Variants in WTIP observed in about 807,000 individuals in gnomAD.
WTIP encodes WT1 interacting protein, also known as Wilms tumor protein 1-interacting protein.
Under a neutral mutation model 41.7 loss-of-function variants are expected in WTIP, and 23 were observed. The observed-to-expected ratio is 0.55, with a 90% CI of 0.40 to 0.78. The LOEUF (loss-of-function observed/expected upper bound fraction) is 0.78. Among genes scored for constraint, WTIP ranks in the 30% least tolerant of loss-of-function variants. The pLI is 0.00. For synonymous variants in WTIP, 314 were observed against 269.9 expected, an observed-to-expected ratio of 1.16 and a Z score of -1.60; for missense variants, 619 against 610.5, an observed-to-expected ratio of 1.01 and a Z score of -0.15.
In WTIP at chr19:34,511,009, C is replaced by A. The variant is rs1469068949; in HGVS notation, c.*10740C>A. 1 of 152,254 alleles carries A rather than the reference C, an allele frequency of 6.6e-6. No homozygotes were observed. The highest frequency in any genetic ancestry group is 1.5e-5 in the Non-Finnish European group (1 of 68,088). The allele number at this position is 152,254 out of a possible 1,614,324, so 9.4% of individuals were successfully genotyped here. On this transcript the variant is annotated 3_prime_UTR_variant, in exon 8 of 8. Coordinates refer to ENST00000590071, the MANE Select transcript of WTIP (RefSeq NM_001080436.2). ...CCACATTTTCCTATATTCTTCTGAG[C>A]CCTCCAAACTGTTCCAACCTCTGCC...
Position 34,507,525 on chromosome 19 carries a change from T to C in WTIP, c.*7256T>C, listed in dbSNP as rs1006279071. On this transcript the variant is annotated 3_prime_UTR_variant, in exon 8 of 8. Coordinates refer to ENST00000590071, the MANE Select transcript of WTIP (RefSeq NM_001080436.2). ...GGGTCTGCCCGGTCACATCCCCTTG[T>C]CTTCTCTAGGGTTCACGGGGATCCT... The C allele has an allele frequency of 9.9e-5, 15 of 152,110 alleles. No homozygotes were observed. The highest frequency in any genetic ancestry group is 3.4e-4 in the African/African-American group (14 of 41,412). 9.4% of individuals were successfully genotyped at this position (152,110 alleles called of 1,614,324 possible). A position where few individuals can be genotyped will look rare whatever the true frequency, so the allele number is the denominator to read the frequency against.
At chr19:34,494,985 G>C (rs1219647040) in intron 6 of WTIP, among the ~76,000 whole-genome samples, 3 of 152,220 alleles carry the variant, frequency 2.0e-5, no homozygotes, top group African/African-American at 4.8e-5. Flanking sequence ...GTCTGTGCGG[G>C]AGCCACCCAT....
chr19:34,489,135 G>T (rs1444282598), intron 1 of WTIP, among the ~76,000 whole-genome samples: 1 of 145,986 alleles, frequency 6.8e-6, no homozygotes, highest in African/African-American at 2.5e-5. Context: ...GGTGGTGGAG[G>T]TTGCAGTGAG....
At chr19:34,487,575 C>T (rs903406630) in intron 1 of WTIP, among the ~76,000 whole-genome samples, 10 of 152,070 alleles carry the variant, frequency 6.6e-5, no homozygotes, top group Non-Finnish European at 1.5e-4. Context: ...GTGGGCCACC[C>T]GATAGCAAGA....
intron 1 of WTIP, among the ~76,000 whole-genome samples, chr19:34,482,913 G>A (rs1247956251): frequency 6.6e-6 from 1 of 152,036 alleles, no homozygotes; most frequent in Non-Finnish European, 1.5e-5. Flanking sequence ...TTGATGTGCG[G>A]TTCCTAACTT....
chr19:34,486,650 G>A (rs1443022728), intron 1 of WTIP, among the ~76,000 whole-genome samples: 5 of 152,216 alleles, frequency 3.3e-5, no homozygotes, highest in Admixed American at 6.5e-5. Flanking sequence ...ACAGGCGTGA[G>A]CCACCGCGCC....
intron 7 of WTIP, 70 bp from the exon 8 acceptor site, chr19:34,500,059 C>G: frequency 6.4e-7 from 1 of 1,562,560 alleles, no homozygotes; most frequent in Non-Finnish European, 8.6e-7. Context: ...CTCCGTCCCT[C>G]CCCCGTCCCG....
intron 7 of WTIP, among the ~76,000 whole-genome samples, chr19:34,497,835 C>T (rs1481738795): frequency 6.6e-6 from 1 of 152,210 alleles, no homozygotes; most frequent in Non-Finnish European, 1.5e-5. Context: ...CCAGCCCTAA[C>T]AGGACCTCCG....
At chr19:34,484,760 A>AC (rs2075788976) in intron 1 of WTIP, among the ~76,000 whole-genome samples, 1 of 151,288 alleles carries the variant, frequency 6.6e-6, no homozygotes, top group Non-Finnish European at 1.5e-5. Flanking sequence ...GTGGTGGCAC[A>AC]TTTTTTTTCT....
intron 1 of WTIP, among the ~76,000 whole-genome samples, chr19:34,488,881 C>G (rs61060252): frequency 0.15 from 19,421 of 131,614 alleles, 1,876 homozygotes; most frequent in East Asian, 0.49. Context: ...CCAGCCTGGG[C>G]AACAGAGCGA....
Position 34,507,427 on chromosome 19 carries a change from CAAAAAAA to C in WTIP, c.*7171_*7177del, listed in dbSNP as rs34578586. The C allele has an allele frequency of 9.9e-5, 12 of 120,960 alleles. No homozygotes were observed. Among genetic ancestry groups the C allele is most frequent in the African/African-American group, 1.8e-4 (6 of 33,536 alleles). 7.5% of individuals were successfully genotyped at this position (120,960 alleles called of 1,614,324 possible). On this transcript the variant is annotated 3_prime_UTR_variant, in exon 8 of 8. Coordinates refer to ENST00000590071, the MANE Select transcript of WTIP (RefSeq NM_001080436.2). ...GATGCCCAAAAGAACAAACATAAAC[CAAAAAAA>C]AAAAAAAAAAAATTCCAGACTGTCC... is the stretch of plus-strand genomic sequence containing the variant.
chr19:34,506,761 A>AAAATAAATAAATAAAT lies in WTIP; in HGVS notation c.*6513_*6528dup, dbSNP rs71165663. On this transcript the variant is annotated 3_prime_UTR_variant, in exon 8 of 8. Coordinates refer to ENST00000590071, the MANE Select transcript of WTIP (RefSeq NM_001080436.2). ...GGTGACAGAGCTAGACGCTATCTCA[A>AAAATAAATAAATAAAT]AAATAAATAAATAAATAAATAAATA... 2.7e-5 allele frequency: 4 copies of AAAATAAATAAATAAAT among 149,900 alleles called. No individual in the cohort carries two copies. The highest frequency in any genetic ancestry group is 1.0e-4 in the African/African-American group (4 of 40,096). 9.3% of individuals were successfully genotyped at this position (149,900 alleles called of 1,614,324 possible).
chr19:34,502,421 ATTT>A lies in WTIP; in HGVS notation c.*2170_*2172del, dbSNP rs35198618. 9,370 of 119,036 alleles carry A rather than the reference ATTT, an allele frequency of 0.079. 1,040 individuals carry two copies. The highest frequency in any genetic ancestry group is 0.26 in the African/African-American group (8,735 of 33,190). The allele number at this position is 119,036 out of a possible 1,614,324, so 7.4% of individuals were successfully genotyped here. A position where few individuals can be genotyped will look rare whatever the true frequency, so the allele number is the denominator to read the frequency against. On this transcript the variant is annotated 3_prime_UTR_variant, in exon 8 of 8. Transcript: ENST00000590071. ...CAGGTGTGCCCCATGACGCCCAGCT[ATTT>A]TTTTTTTTTTTTTTTTTAAAGACAG...
chr19:34,493,596 C>T lies in WTIP; in HGVS notation c.1005C>T (p.Asn335=), dbSNP rs2075837670. 1 of 1,613,586 alleles carries T rather than the reference C, an allele frequency of 6.2e-7. No individual in the cohort carries two copies. The highest frequency in any genetic ancestry group is 1.1e-5 in the South Asian group (1 of 91,092). ...GVPFTVDVEN[N]IYCVRDYHTV... The stretch of plus-strand genomic sequence containing the variant: ...CCTTCACCGTGGACGTGGAGAACAA[C>T]ATCTACTGCGTGCGAGACTATCACA... The change falls in exon 5 of 8, where the codon AAC becomes AAT. Residue 335 remains asparagine (N), a synonymous_variant. Transcript: ENST00000590071. The surrounding 1 kb of genome is among the most constrained non-coding windows in gnomAD (Gnocchi z 4.1).
In WTIP at chr19:34,493,573, T is replaced by G. The variant is rs749475477; in HGVS notation, c.982T>G (p.Phe328Val). The change falls in exon 5 of 8, where the codon TTC (phenylalanine) becomes GTC (valine). Residue 328 changes from phenylalanine (F) to valine (V), a missense_variant. Phe to Val is a conservative substitution (Grantham distance 50). This residue lies in a region of WTIP where 164 missense variants were observed against 219.1 expected (regional missense o/e 0.75). Transcript: ENST00000590071. The surrounding 1 kb of genome is among the most constrained non-coding windows in gnomAD (Gnocchi z 4.1). Reference sequence around the variant, plus strand: ...CAATGAGTGCCTGGACGGGGTTCCCTTCACCGTGGACGTGGAGAACAACAT... The same window carrying G: ...CAATGAGTGCCTGGACGGGGTTCCCGTCACCGTGGACGTGGAGAACAACAT... ...VCNECLDGVP[F>V]TVDVENNIYC... 1 of 1,613,700 alleles carries G rather than the reference T, an allele frequency of 6.2e-7. No homozygotes were observed. The highest frequency in any genetic ancestry group is 8.5e-7 in the Non-Finnish European group (1 of 1,179,882).
chr19:34,482,225 A>C lies in WTIP; in HGVS notation c.251A>C (p.Gln84Pro), dbSNP rs912347710. Residue 84 changes from glutamine to proline, a missense_variant, in exon 1 of 8, where the codon CAG becomes CCG. Gln to Pro is a moderately conservative substitution (Grantham distance 76). Transcript: ENST00000590071. ...GCGGCGGTTCCGGAGCTCAGCGCGC[A>C]GCCTGCGGGCAGCCCACGGGCCAGC... Reference protein sequence around the residue: ...RRAAVPELSAQPAGSPRASLA... With the variant: ...RRAAVPELSAPPAGSPRASLA... The C allele has an allele frequency of 8.6e-7, 1 of 1,161,438 alleles. No homozygotes were observed. 71.9% of individuals were successfully genotyped at this position (1,161,438 alleles called of 1,614,324 possible). A position where few individuals can be genotyped will look rare whatever the true frequency, so the allele number is the denominator to read the frequency against.
At chr19:34,490,971 G>A (rs1212717981) in intron 2 of WTIP, among the ~76,000 whole-genome samples, 3 of 151,414 alleles carry the variant, frequency 2.0e-5, no homozygotes, top group East Asian at 1.9e-4. Flanking sequence ...ATAGGCACAC[G>A]TGCCACCACG....
At position 34,484,792 on chromosome 19, in the gene WTIP, C is replaced by T. The variant is rs765529291; in HGVS notation, c.667+2151C>T. Among the ~76,000 whole-genome samples, 106 of 151,786 alleles carry T rather than the reference C, an allele frequency of 7.0e-4. 1 individual carries two copies. The highest frequency in any genetic ancestry group is 2.3e-3 in the South Asian group (11 of 4,780). ...TTCTGAGGAGCTGCTAGGCCGGGTGCGGTGGCTCACACCTGTAATCCCAGC... is the reference window on the plus strand; with the variant it reads ...TTCTGAGGAGCTGCTAGGCCGGGTGTGGTGGCTCACACCTGTAATCCCAGC... On this transcript the variant is annotated intron_variant, in intron 1 of 7. Transcript: ENST00000590071.
At chr19:34,486,491 C>T (rs1013221215) in intron 1 of WTIP, among the ~76,000 whole-genome samples, 9 of 151,808 alleles carry the variant, frequency 5.9e-5, no homozygotes, top group Non-Finnish European at 1.2e-4. Context: ...GCTCAGCCTT[C>T]CAAGTAGCTG....
Sources: gnomAD v4.1 joint callset for allele counts (sites outside exome capture counted in the v4.1 genomes callset) on GRCh38, gnomAD v4.1.1 for gene constraint, gnomAD v4.1.1 regional missense constraint, Gnocchi (gnomAD v3.1) non-coding constraint, MANE v1.5 for transcripts, NCBI Gene and HGNC (gene_info 2026-07-23, HGNC 2026-07-21) for gene names.